Variants in APBB2 observed in about 807,000 individuals in gnomAD.
The protein encoded by APBB2 is amyloid beta precursor protein binding family B member 2.
APBB2 carries 38 observed loss-of-function variants against 82.5 expected under a neutral mutation model. That is an observed-to-expected ratio of 0.46 (90% CI 0.36 to 0.60). The LOEUF (loss-of-function observed/expected upper bound fraction) is 0.60. APBB2 is among the 20% of genes least tolerant of loss of function. APBB2 has a pLI of 0.00. For synonymous variants in APBB2, 341 were observed against 368.2 expected (o/e 0.93, Z 0.85); for missense variants, 772 against 972.3 (o/e 0.79, Z 2.74).
chr4:41,141,807 C>A (rs1421712816), intron 2 of APBB2, among the ~76,000 whole-genome samples: 1 of 152,346 alleles, frequency 6.6e-6, no homozygotes, highest in African/African-American at 2.4e-5. Flanking sequence ...TTAAAACCAA[C>A]AGATCTCATA....
chr4:41,197,193 C>T, intron 1 of APBB2, among the ~76,000 whole-genome samples: 6 of 152,010 alleles, frequency 3.9e-5, no homozygotes, highest in Non-Finnish European at 5.9e-5. Context: ...TTTTTTTCTC[C>T]TGCTCGAACA....
chr4:41,121,878 G>T (rs1752922754), intron 2 of APBB2, among the ~76,000 whole-genome samples: 1 of 151,848 alleles, frequency 6.6e-6, no homozygotes, highest in African/African-American at 2.4e-5. Flanking sequence ...TTTAATATAT[G>T]GCTTCCTTTT....
chr4:41,126,753 T>G (rs1451690546), intron 2 of APBB2, among the ~76,000 whole-genome samples: 2 of 152,334 alleles, frequency 1.3e-5, no homozygotes, highest in East Asian at 3.9e-4. Flanking sequence ...GTCTTATCCC[T>G]ATGTCTTCAC....
In APBB2 at chr4:40,994,064, C is replaced by T. The variant is rs548231405; in HGVS notation, c.835+19519G>A. Among the ~76,000 whole-genome samples, 8 of 152,116 alleles carry T rather than the reference C, an allele frequency of 5.3e-5. No homozygotes were observed. The East Asian group carries it at 1.4e-3, about 26-fold the overall frequency. ...CAGCACTTTGGGAGGCCAAGGCAGG[C>T]AGATCACAAGGTCAGAAGATCAAGA... is the stretch of plus-strand genomic sequence containing the variant. On this transcript the variant is annotated intron_variant, in intron 6 of 17. Coordinates refer to ENST00000508593, the MANE Select transcript of APBB2 (RefSeq NM_004307.2).
intron 12 of APBB2, among the ~76,000 whole-genome samples, chr4:40,851,947 C>T (rs2154326775): frequency 6.6e-6 from 1 of 151,984 alleles, no homozygotes; most frequent in South Asian, 2.1e-4. Context: ...GAATTTCCTG[C>T]AAAGTTACTA....
At position 40,960,459 on chromosome 4, in the gene APBB2, T is replaced by TTTTTTTTTTTTTG. The variant is rs1792841694; in HGVS notation, c.836-15387_836-15386insCAAAAAAAAAAAA. On this transcript the variant is annotated intron_variant, in intron 6 of 17. Transcript: ENST00000508593. ...AATTTTTTTTCGGGTTTTTTTTTTT[T>TTTTTTTTTTTTTG]TTTTTTGAGACGGGGTCTCGCTCTG... 1.4e-5 allele frequency among the ~76,000 whole-genome samples: 2 copies of TTTTTTTTTTTTTG among 147,728 alleles called. 1 individual carries two copies.
At chr4:41,044,896 C>T (rs1209518378) in intron 4 of APBB2, among the ~76,000 whole-genome samples, 2 of 152,024 alleles carry the variant, frequency 1.3e-5, no homozygotes, top group African/African-American at 4.8e-5. Context: ...GAAAACTTGT[C>T]TTAAAATGTA....
chr4:40,882,948 C>T (rs532426622), intron 12 of APBB2, among the ~76,000 whole-genome samples: 3 of 152,154 alleles, frequency 2.0e-5, no homozygotes, highest in African/African-American at 7.2e-5. Context: ...GGGGTGTGAA[C>T]GGAATGTGAG....
At chr4:40,855,085 T>C (rs1367766650) in intron 12 of APBB2, among the ~76,000 whole-genome samples, 1 of 152,212 alleles carries the variant, frequency 6.6e-6, no homozygotes, top group East Asian at 1.9e-4. Flanking sequence ...GGAGTGCAGA[T>C]GACCTGAGGC....
At chr4:40,893,156 G>C (rs1772535684) in intron 11 of APBB2, 109 bp downstream of exon 11, 2 of 1,357,950 alleles carry the variant, frequency 1.5e-6, no homozygotes, top group Non-Finnish European at 2.0e-6. Context: ...AAAGGCACCT[G>C]ATGAACACCT....
intron 12 of APBB2, among the ~76,000 whole-genome samples, chr4:40,886,348 C>T (rs1257223215): frequency 6.6e-6 from 1 of 152,050 alleles, no homozygotes; most frequent in East Asian, 1.9e-4. Flanking sequence ...GGCGTGGTGG[C>T]GGGCGCCTGT....
intron 10 of APBB2, among the ~76,000 whole-genome samples, chr4:40,898,704 G>C (rs2154355672): frequency 6.6e-6 from 1 of 151,926 alleles, no homozygotes; most frequent in South Asian, 2.1e-4. Context: ...TGATCTGGAG[G>C]GCTTTCTTAA....
At chr4:41,159,982 A>G (rs1056428616) in intron 1 of APBB2, among the ~76,000 whole-genome samples, 1,385 of 123,936 alleles carry the variant, frequency 0.011, 153 homozygotes, top group African/African-American at 0.041. Context: ...GAAGAAGAAG[A>G]AGAAGAAGAA....
chr4:41,066,975 AAGAGG>A (rs1732108370), intron 3 of APBB2, among the ~76,000 whole-genome samples: 1 of 152,144 alleles, frequency 6.6e-6, no homozygotes, highest in African/African-American at 2.4e-5. Context: ...GTAGGTAGAG[AAGAGG>A]AGAGAAGAAT....
At chr4:41,188,797 T>A (rs185327915) in intron 1 of APBB2, among the ~76,000 whole-genome samples, 1 of 152,178 alleles carries the variant, frequency 6.6e-6, no homozygotes, top group Admixed American at 6.5e-5. Flanking sequence ...GCCTGTAGTC[T>A]GGGCTACTAG....
intron 12 of APBB2, among the ~76,000 whole-genome samples, chr4:40,856,707 C>T (rs1761301916): frequency 6.6e-6 from 1 of 152,210 alleles, no homozygotes; most frequent in African/African-American, 2.4e-5. Context: ...CCGTGCAGAC[C>T]CCATCAATGA....
At chr4:40,958,295 C>T (rs1792212646) in intron 6 of APBB2, among the ~76,000 whole-genome samples, 1 of 152,130 alleles carries the variant, frequency 6.6e-6, no homozygotes, top group Non-Finnish European at 1.5e-5. Context: ...AACCTAAGAA[C>T]ACTATTTCCT....
chr4:40,872,421 C>T (rs1028883582), intron 12 of APBB2, among the ~76,000 whole-genome samples: 1 of 152,168 alleles, frequency 6.6e-6, no homozygotes, highest in African/African-American at 2.4e-5. Flanking sequence ...ATAACACTGG[C>T]ATAGGGCTTG....
At chr4:41,153,901 TTAAG>T (rs1762864487) in intron 1 of APBB2, among the ~76,000 whole-genome samples, 1 of 152,170 alleles carries the variant, frequency 6.6e-6, no homozygotes, top group South Asian at 2.1e-4. Context: ...TGCTTTACAG[TTAAG>T]TAAGAGCTAG....
Sources: gnomAD v4.1 joint callset for allele counts (sites outside exome capture counted in the v4.1 genomes callset) on GRCh38, gnomAD v4.1.1 for gene constraint, MANE v1.5 for transcripts, NCBI Gene and HGNC (gene_info 2026-07-23, HGNC 2026-07-21) for gene names.